Variants in CD247 observed in about 807,000 individuals in gnomAD.
The protein encoded by CD247 is CD247 molecule.
In CD247, 13 loss-of-function variants were observed where a neutral mutation model predicts 30.0. The ratio of observed to expected loss-of-function variants is 0.43; its 90% CI spans 0.28 to 0.69. The LOEUF is 0.69. Among genes scored for constraint, CD247 ranks in the 30% least tolerant of loss-of-function variants. The pLI, the probability that CD247 is intolerant of heterozygous loss-of-function variation, is 0.16. For synonymous variants in CD247, 72 were observed against 80.0 expected (o/e 0.90, Z 0.53); for missense variants, 193 against 212.6 (o/e 0.91, Z 0.57).
At position 167,431,631 on chromosome 1, in the gene CD247, A is replaced by T; in HGVS notation, c.*50T>A. On this transcript the variant is annotated 3_prime_UTR_variant, in exon 8 of 8. Transcript: ENST00000362089. ...GTAAATGCTTCATCCTGTGTCTCAT[A>T]ATCTGGGCGTCTGCAGGTCTGGCCT... 6.9e-7 allele frequency: 1 copy of T among 1,444,244 alleles called. No individual in the cohort carries two copies. The highest frequency in any genetic ancestry group is 9.8e-7 in the Non-Finnish European group (1 of 1,024,906). 89.5% of individuals were successfully genotyped at this position (1,444,244 alleles called of 1,614,324 possible).
At chr1:167,443,099 G>C (rs1372577224) in intron 1 of CD247, among the ~76,000 whole-genome samples, 2 of 152,100 alleles carry the variant, frequency 1.3e-5, no homozygotes, top group Non-Finnish European at 2.9e-5. Flanking sequence ...CACCACCTGA[G>C]CCCCTGAGGA....
chr1:167,448,317 G>T (rs576249808), intron 1 of CD247: 2 of 978,698 alleles, frequency 2.0e-6, no homozygotes, highest in Admixed American at 6.1e-5. Flanking sequence ...CCACAGTCCA[G>T]GTCTTAACCA....
At chr1:167,504,261 G>A (rs766267725) in intron 1 of CD247, among the ~76,000 whole-genome samples, 1 of 152,006 alleles carries the variant, frequency 6.6e-6, no homozygotes, top group Non-Finnish European at 1.5e-5. Context: ...AACAAGCCCC[G>A]GCATCACAAG....
intron 1 of CD247, among the ~76,000 whole-genome samples, chr1:167,479,876 G>A (rs1653904422): frequency 1.3e-5 from 2 of 152,210 alleles, no homozygotes; most frequent in African/African-American, 4.8e-5. Context: ...TAGCACAACT[G>A]CATTCTTTAC....
At chr1:167,432,267 G>C (rs970657314) in intron 7 of CD247, among the ~76,000 whole-genome samples, 5 of 152,166 alleles carry the variant, frequency 3.3e-5, no homozygotes, top group Non-Finnish European at 5.9e-5. Context: ...TCTTGGTCAC[G>C]AACAGGCCCA....
At chr1:167,496,250 A>T (rs150015714) in intron 1 of CD247, among the ~76,000 whole-genome samples, 2 of 152,248 alleles carry the variant, frequency 1.3e-5, no homozygotes, top group Non-Finnish European at 2.9e-5. Flanking sequence ...TGAGTTGCTC[A>T]TCACAGTAGT....
At chr1:167,471,831 CTT>C (rs111891678) in intron 1 of CD247, among the ~76,000 whole-genome samples, 9,335 of 116,342 alleles carry the variant, frequency 0.08, 158 homozygotes, top group African/African-American at 0.12. Context: ...CTGTTTCTTT[CTT>C]TTTTTTTTTT....
intron 1 of CD247, among the ~76,000 whole-genome samples, chr1:167,497,637 G>A (rs1443062498): frequency 6.6e-6 from 1 of 152,174 alleles, no homozygotes; most frequent in Non-Finnish European, 1.5e-5. Flanking sequence ...GATATAGGAT[G>A]AGGATGCATC....
intron 1 of CD247, among the ~76,000 whole-genome samples, chr1:167,513,539 T>C (rs1403627446): frequency 6.6e-6 from 1 of 152,216 alleles, no homozygotes; most frequent in Admixed American, 6.5e-5. Flanking sequence ...ACCAGACTAA[T>C]AGTAAGTATC....
Position 167,459,312 on chromosome 1 carries a change from A to AAATACAC in CD247, c.59-18552_59-18546dup, listed in dbSNP as rs1044458216. Among the ~76,000 whole-genome samples, 6 of 151,818 alleles carry AAATACAC rather than the reference A, an allele frequency of 4.0e-5. No homozygotes were observed. The East Asian group carries it at 9.7e-4, about 24-fold the overall frequency. On this transcript the variant is annotated intron_variant, in intron 1 of 7. Transcript: ENST00000362089. ...TGTTAATTTTTTTTAAAGGTTCAAG[A>AAATACAC]AATACACTACTTTCTCTGGCTTTTT...
intron 1 of CD247, among the ~76,000 whole-genome samples, chr1:167,486,535 C>T (rs35450480): frequency 6.6e-6 from 1 of 152,232 alleles, no homozygotes; most frequent in Non-Finnish European, 1.5e-5. Flanking sequence ...GCCCAGCCGC[C>T]GGTCCAGGGC....
Position 167,461,875 on chromosome 1 carries a change from GC to G in CD247, c.59-21109del, listed in dbSNP as rs1362890864. ...AAAATAGTCAAAGTACATTTTTGAT[GC>G]CTTGTATTAACCTCCCTTTTGTGTC... On this transcript the variant is annotated intron_variant, in intron 1 of 7. Coordinates refer to ENST00000362089, the MANE Select transcript of CD247 (RefSeq NM_198053.3). Among the ~76,000 whole-genome samples the G allele has an allele frequency of 2.6e-5, 4 of 152,232 alleles. No homozygotes were observed. In the East Asian group the frequency reaches 7.7e-4, roughly 29 times the overall value.
chr1:167,459,210 C>T (rs992086393), intron 1 of CD247, among the ~76,000 whole-genome samples: 1 of 151,548 alleles, frequency 6.6e-6, no homozygotes, highest in African/African-American at 2.4e-5. Flanking sequence ...TCAAATAATA[C>T]AGTCAATATG....
intron 1 of CD247, among the ~76,000 whole-genome samples, chr1:167,448,062 G>A (rs1571524994): frequency 2.6e-5 from 4 of 152,246 alleles, no homozygotes; most frequent in East Asian, 1.9e-4. Context: ...ATCCCCCTCA[G>A]TGGGTTGCTC....
intron 1 of CD247, among the ~76,000 whole-genome samples, chr1:167,444,091 C>G (rs982126356): frequency 6.6e-6 from 1 of 152,226 alleles, no homozygotes; most frequent in Non-Finnish European, 1.5e-5. Context: ...AGTCACTTCC[C>G]TCTCTGGGCC....
In CD247 at chr1:167,431,659, G is replaced by C; in HGVS notation, c.*22C>G. 1 of 1,607,524 alleles carries C rather than the reference G, an allele frequency of 6.2e-7. No homozygotes were observed. The highest frequency in any genetic ancestry group is 1.7e-5 in the Admixed American group (1 of 60,020). On this transcript the variant is annotated 3_prime_UTR_variant, in exon 8 of 8. Coordinates refer to ENST00000362089, the MANE Select transcript of CD247 (RefSeq NM_198053.3). ...CTGGGCGTCTGCAGGTCTGGCCTTT[G>C]AGTGGTGAAATCCCCTGGCTGTTAG...
chr1:167,483,018 T>TCTTTCTTTC (rs1286731752), intron 1 of CD247, among the ~76,000 whole-genome samples: 27 of 138,316 alleles, frequency 2.0e-4, no homozygotes, highest in Admixed American at 3.1e-4. Flanking sequence ...CTTTCTTTTT[T>TCTTTCTTTC]TTTTTTTGAG....
At chr1:167,492,610 G>T (rs1418520664) in intron 1 of CD247, among the ~76,000 whole-genome samples, 1 of 152,164 alleles carries the variant, frequency 6.6e-6, no homozygotes, top group Non-Finnish European at 1.5e-5. Flanking sequence ...CTTCGGCTTC[G>T]ATTCGTAAGC....
chr1:167,482,263 T>C (rs1264677455), intron 1 of CD247, among the ~76,000 whole-genome samples: 3 of 152,212 alleles, frequency 2.0e-5, no homozygotes, highest in Admixed American at 6.5e-5. Context: ...CTCAGTGACC[T>C]TTCTGAACCT....
Sources: allele counts gnomAD v4.1 joint callset (sites outside exome capture counted in the v4.1 genomes callset), GRCh38; gene constraint gnomAD v4.1.1; transcripts MANE v1.5; gene names NCBI Gene and HGNC (gene_info 2026-07-23, HGNC 2026-07-21).